Variants in PDE4B observed in about 807,000 individuals in gnomAD.
PDE4B encodes the protein phosphodiesterase 4B.
PDE4B carries 20 observed loss-of-function variants against 82.2 expected under a neutral mutation model. The observed-to-expected ratio is 0.24, with a 90% CI of 0.17 to 0.35. The LOEUF is 0.35. Ranked by LOEUF, PDE4B falls within the 10% of genes least tolerant of loss-of-function variation. The probability of loss-of-function intolerance (pLI) is 1.00; values close to 1 mark genes in which losing one functional copy is unlikely to be tolerated. For synonymous variants in PDE4B, 320 were observed against 318.9 expected (o/e 1.00, Z -0.04); for missense variants, 655 against 907.2 (o/e 0.72, Z 3.57).
chr1:66,026,681 G>A (rs1653452971), intron 3 of PDE4B, among the ~76,000 whole-genome samples: 1 of 152,186 alleles, frequency 6.6e-6, no homozygotes, highest in Admixed American at 6.5e-5. Context: ...ACTCAGCAAT[G>A]TGCCTGGTAT....
intron 1 of PDE4B, among the ~76,000 whole-genome samples, chr1:65,828,055 A>C (rs907776455): frequency 2.0e-5 from 3 of 152,154 alleles, no homozygotes; most frequent in African/African-American, 7.2e-5. Context: ...AAGTGGAAAG[A>C]AAATTAAACG....
At chr1:65,928,479 T>C (rs1289324128) in intron 3 of PDE4B, among the ~76,000 whole-genome samples, 1 of 152,166 alleles carries the variant, frequency 6.6e-6, no homozygotes, top group African/African-American at 2.4e-5. Flanking sequence ...ACGCCCACCT[T>C]GCCTTTGAAG....
intron 2 of PDE4B, among the ~76,000 whole-genome samples, chr1:65,913,692 A>T (rs1470522834): frequency 2.0e-5 from 3 of 152,028 alleles, no homozygotes; most frequent in South Asian, 4.2e-4. Context: ...TTTCTTCCAC[A>T]CTTTTACCCA....
At chr1:66,339,839 T>TTG (rs1383193269) in intron 8 of PDE4B, among the ~76,000 whole-genome samples, 89 of 107,118 alleles carry the variant, frequency 8.3e-4, no homozygotes, top group African/African-American at 4.0e-3. Context: ...TTTTTGTTTG[T>TTG]TTTTTTTGTT....
At chr1:66,280,167 A>C (rs1557676365) in intron 7 of PDE4B, among the ~76,000 whole-genome samples, 1 of 152,258 alleles carries the variant, frequency 6.6e-6, no homozygotes, top group East Asian at 1.9e-4. Context: ...AACAAAATAA[A>C]ATAATCATTC....
chr1:65,955,613 T>G (rs746137613), intron 3 of PDE4B, among the ~76,000 whole-genome samples: 4 of 152,146 alleles, frequency 2.6e-5, no homozygotes, highest in Non-Finnish European at 5.9e-5. Flanking sequence ...TTGAGTTCAT[T>G]CTGGTACGTC....
intron 3 of PDE4B, among the ~76,000 whole-genome samples, chr1:66,238,370 ATG>A (rs995210686): frequency 6.6e-6 from 1 of 152,182 alleles, no homozygotes; most frequent in Non-Finnish European, 1.5e-5. Context: ...GGGCTAGATT[ATG>A]TGAAAATTTG....
At chr1:66,342,410 A>AT (rs1160336699) in intron 8 of PDE4B, among the ~76,000 whole-genome samples, 1 of 152,262 alleles carries the variant, frequency 6.6e-6, no homozygotes, top group Non-Finnish European at 1.5e-5. Flanking sequence ...GAAAACCTGA[A>AT]TTAAAAAGCT....
intron 7 of PDE4B, among the ~76,000 whole-genome samples, chr1:66,294,197 C>T (rs1309697258): frequency 1.3e-5 from 2 of 151,998 alleles, no homozygotes; most frequent in African/African-American, 4.8e-5. Flanking sequence ...CACAGCAATA[C>T]TCCGTCTCAA....
chr1:66,300,733 C>G (rs765501760), intron 7 of PDE4B, among the ~76,000 whole-genome samples: 9 of 152,126 alleles, frequency 5.9e-5, no homozygotes, highest in Non-Finnish European at 1.0e-4. Flanking sequence ...TTTTTGATTT[C>G]CCAGAGGGTC....
intron 3 of PDE4B, among the ~76,000 whole-genome samples, chr1:65,920,165 T>G (rs1481711156): frequency 6.6e-6 from 1 of 152,244 alleles, no homozygotes; most frequent in Non-Finnish European, 1.5e-5. Context: ...ATTTCCAGAT[T>G]TATTTTTCAG....
rs116566645 is a variant in PDE4B at position 65,992,936 on chromosome 1, T to G, written c.281+74101T>G. 83 of 1,613,850 alleles carry G rather than the reference T, an allele frequency of 5.1e-5. No individual in the cohort carries two copies. The African/African-American group carries it at 1.0e-3, about 20-fold the overall frequency. The stretch of plus-strand genomic sequence containing the variant: ...CAGCAAAAGATTCTTCAAAGGAACT[T>G]ACTGCTTCTGAACCTGAGGTTTGCA... On this transcript the variant is annotated intron_variant, in intron 3 of 16. Transcript: ENST00000341517.
chr1:65,999,182 C>T (rs1651722212), intron 3 of PDE4B, among the ~76,000 whole-genome samples: 1 of 152,182 alleles, frequency 6.6e-6, no homozygotes, highest in East Asian at 1.9e-4. Flanking sequence ...ATCCCACTTG[C>T]GTTCTCTTTC....
chr1:65,952,307 G>A (rs1413171616), intron 3 of PDE4B, among the ~76,000 whole-genome samples: 1 of 152,030 alleles, frequency 6.6e-6, no homozygotes, highest in Non-Finnish European at 1.5e-5. Flanking sequence ...CTTAATTGTT[G>A]TGGCACAGTC....
At chr1:66,161,635 C>T (rs368235514) in intron 3 of PDE4B, among the ~76,000 whole-genome samples, 4 of 151,836 alleles carry the variant, frequency 2.6e-5, no homozygotes, top group Non-Finnish European at 5.9e-5. Flanking sequence ...TTATATTTCT[C>T]CTGCTTGTCT....
intron 3 of PDE4B, among the ~76,000 whole-genome samples, chr1:66,038,614 T>C (rs1444401342): frequency 6.6e-6 from 1 of 152,004 alleles, no homozygotes; most frequent in Non-Finnish European, 1.5e-5. Flanking sequence ...AGTTGTAGGA[T>C]TTTGTGGTGG....
chr1:65,987,518 A>C (rs1169435463), intron 3 of PDE4B, among the ~76,000 whole-genome samples: 2 of 152,232 alleles, frequency 1.3e-5, no homozygotes, highest in Non-Finnish European at 2.9e-5. Flanking sequence ...AGCATTGGTG[A>C]AGTATAATAA....
At chr1:65,993,196 C>T in intron 3 of PDE4B, 3 of 1,311,242 alleles carry the variant, frequency 2.3e-6, no homozygotes, top group Non-Finnish European at 2.2e-6. Flanking sequence ...CGCATTAGCA[C>T]CAGTGATCTA....
intron 1 of PDE4B, among the ~76,000 whole-genome samples, chr1:65,877,948 A>C (rs2100330331): frequency 6.6e-6 from 1 of 152,300 alleles, no homozygotes; most frequent in East Asian, 1.9e-4. Flanking sequence ...GCTAATAGGC[A>C]GCCTACAGAA....
Sources: gnomAD v4.1 joint callset for allele counts (sites outside exome capture counted in the v4.1 genomes callset) on GRCh38, gnomAD v4.1.1 for gene constraint, MANE v1.5 for transcripts, NCBI Gene and HGNC (gene_info 2026-07-23, HGNC 2026-07-21) for gene names.